Variants in AVEN observed in about 807,000 individuals in gnomAD.
The protein encoded by AVEN is apoptosis and caspase activation inhibitor.
In AVEN, 41 loss-of-function variants were observed where a neutral mutation model predicts 38.1. The ratio of observed to expected loss-of-function variants is 1.08; its 90% confidence interval spans 0.84 to 1.40. The LOEUF is 1.40. Among genes scored for constraint, AVEN ranks in the 40% most tolerant of loss-of-function variants. The pLI is 0.00. For synonymous variants in AVEN, 206 were observed against 171.8 expected, an observed-to-expected ratio of 1.20 and a Z score of -1.56; for missense variants, 605 against 438.8, an observed-to-expected ratio of 1.38 and a Z score of -3.38.
In AVEN at chr15:34,003,081, AC is replaced by A; in HGVS notation, c.395del (p.Ser132MetfsTer78). 1 of 1,614,024 alleles carries A rather than the reference AC, an allele frequency of 6.2e-7. No individual in the cohort carries two copies. The highest frequency in any genetic ancestry group is 1.1e-5 in the South Asian group (1 of 91,076). Reference protein sequence around the residue: ...QDIEKEVNNESGESQRGTDFS... With the variant: ...QDIEKEVNNEXGESQRGTDFS... Reference sequence around the variant, plus strand: ...AATCTGTTCCCCTCTGTGACTCTCCACTTTCATTATTGACCTCTTTTTCAAT... The same window carrying A: ...AATCTGTTCCCCTCTGTGACTCTCCATTTCATTATTGACCTCTTTTTCAAT... On this transcript the variant is annotated frameshift_variant, in exon 2 of 6. Transcript: ENST00000306730. LOFTEE classifies it high-confidence loss of function.
chr15:33,853,557 G>T, the AVEN span: 2 of 1,613,568 alleles, frequency 1.2e-6, no homozygotes, highest in South Asian at 1.1e-5. Context: ...TGCTTCAGGT[G>T]ATCAACAAGT....
At chr15:33,921,911 T>C (rs1893411177) in intron 2 of AVEN, among the ~76,000 whole-genome samples, 1 of 152,114 alleles carries the variant, frequency 6.6e-6, no homozygotes. Flanking sequence ...CTACAGTTCA[T>C]TTCTCCTTAA....
At chr15:33,987,660 T>G (rs1159055620) in intron 2 of AVEN, among the ~76,000 whole-genome samples, 1 of 152,230 alleles carries the variant, frequency 6.6e-6, no homozygotes, top group African/African-American at 2.4e-5. Flanking sequence ...TTGGTCCACC[T>G]GCATCTGCAG....
intron 2 of AVEN, among the ~76,000 whole-genome samples, chr15:33,896,602 T>C (rs1218129590): frequency 1.3e-5 from 2 of 152,166 alleles, no homozygotes; most frequent in Non-Finnish European, 2.9e-5. Flanking sequence ...ACGGCCAATT[T>C]CAATCTGTCA....
At chr15:34,041,452 A>T (rs1899475045), upstream of AVEN, among the ~76,000 whole-genome samples, 1 of 152,208 alleles carries the variant, frequency 6.6e-6, no homozygotes, top group Non-Finnish European at 1.5e-5. Flanking sequence ...GAGAGACGAG[A>T]CCAGTGGGAA....
chr15:33,920,816 A>AC (rs1893365064), intron 2 of AVEN, among the ~76,000 whole-genome samples: 1 of 151,876 alleles, frequency 6.6e-6, no homozygotes, highest in African/African-American at 2.4e-5. Flanking sequence ...CCCAGGCTGG[A>AC]GTGCAGTGGT....
chr15:33,939,042 C>T (rs966574991), intron 2 of AVEN, among the ~76,000 whole-genome samples: 1 of 152,160 alleles, frequency 6.6e-6, no homozygotes, highest in African/African-American at 2.4e-5. Flanking sequence ...AGGGTTTCAC[C>T]ATGTTGGCCA....
chr15:33,974,839 G>A (rs1045762756), intron 2 of AVEN, among the ~76,000 whole-genome samples: 1 of 152,270 alleles, frequency 6.6e-6, no homozygotes, highest in African/African-American at 2.4e-5. Flanking sequence ...CGGGTGTGGT[G>A]GTGCATGCCT....
chr15:33,909,604 C>T (rs1415566515), intron 2 of AVEN, among the ~76,000 whole-genome samples: 3 of 152,156 alleles, frequency 2.0e-5, no homozygotes, highest in African/African-American at 4.8e-5. Context: ...ATTCAGCTTT[C>T]GAAGTAAAAG....
At chr15:34,066,333 T>A (rs1900509830) in intron 3 of AVEN, 1 of 152,258 alleles carries the variant, frequency 6.6e-6, no homozygotes, top group African/African-American at 2.4e-5. Flanking sequence ...TGAAAACCCC[T>A]TCATGAGAAT....
chr15:33,854,852 C>T (rs765193229), downstream of AVEN: 19 of 1,613,662 alleles, frequency 1.2e-5, no homozygotes, highest in East Asian at 2.2e-5. Flanking sequence ...TATTGGACAT[C>T]GCAATGGGCT....
chr15:33,953,448 C>T (rs1400942729), intron 2 of AVEN, among the ~76,000 whole-genome samples: 3 of 152,046 alleles, frequency 2.0e-5, no homozygotes, highest in Admixed American at 2.0e-4. Flanking sequence ...GAGATATAGA[C>T]CAATGGAACA....
chr15:33,938,205 CAT>C (rs1474283224), intron 2 of AVEN, among the ~76,000 whole-genome samples: 1 of 151,990 alleles, frequency 6.6e-6, no homozygotes, highest in Non-Finnish European at 1.5e-5. Flanking sequence ...CCTGTAATCC[CAT>C]TACTTTGGGA....
chr15:33,898,082 T>C (rs1597207969), intron 2 of AVEN, among the ~76,000 whole-genome samples: 2 of 150,476 alleles, frequency 1.3e-5, no homozygotes, highest in African/African-American at 4.9e-5. Context: ...CCAGCTACTC[T>C]GGAGGCTGAG....
At chr15:33,855,493 C>T (rs145974610), downstream of AVEN, among the ~76,000 whole-genome samples, 4 of 152,152 alleles carry the variant, frequency 2.6e-5, no homozygotes, top group Admixed American at 6.5e-5. Context: ...TGTGAGCCAT[C>T]GTGCCCGGCC....
At chr15:34,024,472 CA>C (rs10531898) in intron 1 of AVEN, among the ~76,000 whole-genome samples, 16,674 of 101,328 alleles carry the variant, frequency 0.16, 766 homozygotes, top group Middle Eastern at 0.25. Flanking sequence ...GACCCTGTCT[CA>C]AAAAAAAAAA....
intron 4 of AVEN, among the ~76,000 whole-genome samples, chr15:33,868,114 A>T (rs897835774): frequency 3.3e-5 from 5 of 152,344 alleles, no homozygotes; most frequent in African/African-American, 1.2e-4. Context: ...TAACTAGCTC[A>T]GATTTGGAAT....
chr15:34,071,775 G>C (rs1476475980), intron 1 of AVEN, among the ~76,000 whole-genome samples: 1 of 152,104 alleles, frequency 6.6e-6, no homozygotes, highest in Non-Finnish European at 1.5e-5. Flanking sequence ...ATTTAAACTG[G>C]TATTTGGAGG....
At chr15:34,018,177 T>C (rs1163786290) in intron 1 of AVEN, 1 of 152,264 alleles carries the variant, frequency 6.6e-6, no homozygotes, top group African/African-American at 2.4e-5. Flanking sequence ...AAGGCATTGT[T>C]ACATAGGAGA....
Sources: allele counts gnomAD v4.1 joint callset (sites outside exome capture counted in the v4.1 genomes callset), GRCh38; gene constraint gnomAD v4.1.1; transcripts MANE v1.5; gene names NCBI Gene and HGNC (gene_info 2026-07-23, HGNC 2026-07-21).